The following RNF103 variants were observed in gnomAD, a reference collection of about 807,000 sequenced individuals.
The protein encoded by RNF103 is E3 ubiquitin-protein ligase RNF103.
RNF103 carries 23 observed loss-of-function variants against 66.2 expected under a neutral mutation model. The ratio of observed to expected loss-of-function variants is 0.35; its 90% CI spans 0.25 to 0.49. The LOEUF is 0.49. RNF103 is among the 20% of genes least tolerant of loss of function. The probability of loss-of-function intolerance (pLI) is 0.98; values close to 1 mark genes in which losing one functional copy is unlikely to be tolerated. For missense variants in RNF103, 730 were observed against 814.7 expected, an observed-to-expected ratio of 0.90 and a Z score of 1.27; for synonymous variants, 297 against 289.9, an observed-to-expected ratio of 1.02 and a Z score of -0.25.
chr2:86,620,242 G>C (rs747111545), intron 2 of RNF103, 88 bp downstream of exon 2: 1 of 1,383,890 alleles, frequency 7.2e-7, no homozygotes, highest in African/African-American at 1.4e-5. Context: ...ACAAGGACAC[G>C]GAAGTGTCAC....
intron 2 of RNF103, among the ~76,000 whole-genome samples, chr2:86,615,776 A>T (rs1323598845): frequency 6.6e-6 from 1 of 152,160 alleles, no homozygotes; most frequent in African/African-American, 2.4e-5. Flanking sequence ...ACCTGGCAAT[A>T]CAGGCTAGAA....
At chr2:86,612,310 A>G (rs1398120217) in intron 2 of RNF103, 36 bp from the exon 3 acceptor site, 6 of 1,274,920 alleles carry the variant, frequency 4.7e-6, no homozygotes, top group Non-Finnish European at 6.8e-6. Flanking sequence ...AACTTGAATT[A>G]CCTAAAATGG....
intron 3 of RNF103, among the ~76,000 whole-genome samples, chr2:86,605,660 C>T (rs1305987794): frequency 6.6e-6 from 1 of 151,946 alleles, no homozygotes; most frequent in African/African-American, 2.4e-5. Flanking sequence ...TCAAAGGAAT[C>T]AGCAAATACT....
chr2:86,622,607 CAGGTCGT>C, intron 1 of RNF103, 47 bp downstream of exon 1: 4 of 1,560,480 alleles, frequency 2.6e-6, no homozygotes, highest in Non-Finnish European at 3.5e-6. Flanking sequence ...CCAGGAGGTA[CAGGTCGT>C]CCCCTCTCCC....
At chr2:86,617,991 G>T in intron 2 of RNF103, 1 of 474,932 alleles carries the variant, frequency 2.1e-6, no homozygotes, top group Non-Finnish European at 4.1e-6. Context: ...GACAGTGGTG[G>T]TCAATGCAAA....
chr2:86,621,404 T>C (rs1410197230), intron 1 of RNF103, among the ~76,000 whole-genome samples: 1 of 152,238 alleles, frequency 6.6e-6, no homozygotes, highest in Non-Finnish European at 1.5e-5. Flanking sequence ...AGAGAGTTTA[T>C]TTATTAGAGA....
intron 3 of RNF103, among the ~76,000 whole-genome samples, chr2:86,606,602 G>A (rs894350492): frequency 6.7e-6 from 1 of 148,786 alleles, no homozygotes; most frequent in Non-Finnish European, 1.5e-5. Context: ...GGCAGAGGGT[G>A]CAGTGAGCCG....
Position 86,623,413 on chromosome 2 carries a change from G to A in RNF103, c.-527C>T, listed in dbSNP as rs1310593566. ...CGCGGCCGCGGGTCAGGAGGGCGCG[G>A]CGCTCGGCCGGGCCAGGCCCGGGGC... On this transcript the variant is annotated 5_prime_UTR_variant, in exon 1 of 4. Transcript: ENST00000237455. 9.2e-6 allele frequency: 9 copies of A among 981,168 alleles called. No individual in the cohort carries two copies. The highest frequency in any genetic ancestry group is 1.8e-5 in the African/African-American group (1 of 56,786). 60.8% of individuals were successfully genotyped at this position (981,168 alleles called of 1,614,324 possible). A position where few individuals can be genotyped will look rare whatever the true frequency, so the allele number is the denominator to read the frequency against.
At chr2:86,612,861 T>C (rs1408728424) in intron 2 of RNF103, 1 of 152,270 alleles carries the variant, frequency 6.6e-6, no homozygotes, top group Non-Finnish European at 1.5e-5. Flanking sequence ...CCATTCTTCT[T>C]ATTCATTCTT....
rs1356974691 is a variant in RNF103, at chr2:86,616,499, T to TA, written c.366+3830dup. 1.4e-5 allele frequency: 14 copies of TA among 982,264 alleles called. No homozygotes were observed. In the African/African-American group the frequency reaches 1.9e-4, roughly 13 times the overall value. The allele number at this position is 982,264 out of a possible 1,614,324, so 60.8% of individuals were successfully genotyped here. A position where few individuals can be genotyped will look rare whatever the true frequency, so the allele number is the denominator to read the frequency against. On this transcript the variant is annotated intron_variant, in intron 2 of 3. Coordinates refer to ENST00000237455, the MANE Select transcript of RNF103 (RefSeq NM_005667.4). ...TTTTTTACCAATACAAAATATAAGA[T>TA]AAAGTGGCTTGCTATGTGCTTCACC...
At chr2:86,614,661 G>A (rs1678948146) in intron 2 of RNF103, 6 of 657,142 alleles carry the variant, frequency 9.1e-6, no homozygotes, top group Non-Finnish European at 1.1e-5. Context: ...AGCAAAGCAG[G>A]CGCCTATTGC....
At chr2:86,607,202 G>A (rs1170164479) in intron 3 of RNF103, among the ~76,000 whole-genome samples, 1 of 152,060 alleles carries the variant, frequency 6.6e-6, no homozygotes, top group Non-Finnish European at 1.5e-5. Flanking sequence ...ATAAATATCT[G>A]ACTTCGCATT....
intron 1 of RNF103, among the ~76,000 whole-genome samples, chr2:86,621,677 T>C (rs1573372664): frequency 1.3e-5 from 2 of 151,110 alleles, no homozygotes; most frequent in South Asian, 2.1e-4. Context: ...TATAAGGTAC[T>C]AAAGAAGGAA....
Position 86,605,057 on chromosome 2 carries a change from T to G in RNF103, c.844A>C (p.Ile282Leu), listed in dbSNP as rs151125982. The G allele has an allele frequency of 5.6e-6, 9 of 1,613,892 alleles. No individual in the cohort carries two copies. In the African/African-American group the frequency reaches 1.1e-4, roughly 19 times the overall value. The change falls in exon 4 of 4, where the codon ATA becomes CTA. Residue 282 changes from isoleucine (I) to leucine (L), a missense_variant. Ile to Leu is a conservative substitution (Grantham distance 5, BLOSUM62 2). Transcript: ENST00000237455. ...AGTATGTATGATGGCATATTATATA[T>G]GCCAATATCTGTCATATAACTCTTG... The part of the protein sequence containing the change: ...DNKSYMTDIG[I>L]YNMPSYILRT...
intron 2 of RNF103, among the ~76,000 whole-genome samples, chr2:86,619,600 C>G (rs944109117): frequency 5.9e-5 from 9 of 152,132 alleles, no homozygotes; most frequent in African/African-American, 1.9e-4. Context: ...ATGTAAATAA[C>G]TTTAGTCCTG....
intron 2 of RNF103, chr2:86,617,104 T>C (rs1679051116): frequency 1.0e-6 from 1 of 985,072 alleles, no homozygotes. Flanking sequence ...TATTTCATAG[T>C]GTGTCATTGG....
rs765694710 is a variant in RNF103, at chr2:86,618,237, ACT to A, written c.366+2091_366+2092del. 303 of 242,894 alleles carry A rather than the reference ACT, an allele frequency of 1.2e-3. 2 individuals carry two copies. The highest frequency in any genetic ancestry group is 7.7e-4 in the Non-Finnish European group (89 of 116,012). The allele number at this position is 242,894 out of a possible 1,614,324, so 15.0% of individuals were successfully genotyped here. On this transcript the variant is annotated intron_variant, in intron 2 of 3. Transcript: ENST00000237455. ...TCACCTTACCAGAGAATTCCTTGCC[ACT>A]CTCATCTCCTTAATCTGCTTATTTT...
chr2:86,605,762 TTAA>T (rs3835954), intron 3 of RNF103, among the ~76,000 whole-genome samples: 11,263 of 152,182 alleles, frequency 0.074, 464 homozygotes, highest in Non-Finnish European at 0.079. Flanking sequence ...TAAAATCCTA[TTAA>T]TGAGACAAAA....
At chr2:86,616,798 C>A (rs917824556) in intron 2 of RNF103, 2 of 985,194 alleles carry the variant, frequency 2.0e-6, no homozygotes, top group Non-Finnish European at 2.4e-6. Context: ...TGAACTATGA[C>A]AAAAGTCAAA....
Sources: gnomAD v4.1 joint callset for allele counts (sites outside exome capture counted in the v4.1 genomes callset) on GRCh38, gnomAD v4.1.1 for gene constraint, MANE v1.5 for transcripts, NCBI Gene and HGNC (gene_info 2026-07-23, HGNC 2026-07-21) for gene names.